The following FER variants were observed in gnomAD, a reference collection of about 807,000 sequenced individuals.
FER encodes the protein tyrosine-protein kinase Fer.
Under a neutral mutation model 111.0 loss-of-function variants are expected in FER, and 63 were observed. The ratio of observed to expected loss-of-function variants is 0.57; its 90% CI spans 0.46 to 0.70. The LOEUF (loss-of-function observed/expected upper bound fraction) is 0.70. FER is among the 30% of genes least tolerant of loss of function. The probability of loss-of-function intolerance (pLI) is 0.00; values close to 1 mark genes in which losing one functional copy is unlikely to be tolerated. For synonymous variants in FER, 327 were observed against 313.9 expected (o/e 1.04, Z -0.44); for missense variants, 914 against 954.0 (o/e 0.96, Z 0.55).
chr5:109,016,706 A>C (rs991407949), intron 13 of FER, among the ~76,000 whole-genome samples: 4 of 152,114 alleles, frequency 2.6e-5, no homozygotes, highest in Non-Finnish European at 5.9e-5. Flanking sequence ...GTCAATGTTT[A>C]GAATCTATTC....
intron 3 of FER, among the ~76,000 whole-genome samples, chr5:108,809,486 T>TTTGTA (rs1322786706): frequency 5.9e-5 from 9 of 152,360 alleles, no homozygotes; most frequent in African/African-American, 2.2e-4. Flanking sequence ...TTGAAGTTTC[T>TTTGTA]TTGTATTGAA....
At chr5:109,075,237 A>G (rs1013866847) in intron 16 of FER, among the ~76,000 whole-genome samples, 1 of 152,176 alleles carries the variant, frequency 6.6e-6, no homozygotes, top group African/African-American at 2.4e-5. Flanking sequence ...TAATGTAAAA[A>G]AATGTAGTTA....
At chr5:108,974,717 G>A (rs898071966) in intron 13 of FER, among the ~76,000 whole-genome samples, 8 of 152,226 alleles carry the variant, frequency 5.3e-5, no homozygotes, top group African/African-American at 1.7e-4. Flanking sequence ...GAAGGTAGAA[G>A]TCGTAGTCAG....
At chr5:109,088,968 T>C (rs1777859756) in intron 16 of FER, among the ~76,000 whole-genome samples, 1 of 152,150 alleles carries the variant, frequency 6.6e-6, no homozygotes, top group African/African-American at 2.4e-5. Context: ...CTCACAAAGT[T>C]AAGAGAGATT....
chr5:109,165,595 TGTGTGTGTG>T (rs1353773947), intron 17 of FER, among the ~76,000 whole-genome samples: 7 of 45,804 alleles, frequency 1.5e-4, no homozygotes, highest in Non-Finnish European at 2.0e-4. Context: ...AGGGAACTGG[TGTGTGTGTG>T]TGTGTGTGTG....
chr5:109,156,176 T>C (rs1233425992), intron 17 of FER, among the ~76,000 whole-genome samples: 1 of 151,978 alleles, frequency 6.6e-6, no homozygotes, highest in Non-Finnish European at 1.5e-5. Context: ...TAAAGCAAGC[T>C]AATACCAGAG....
intron 7 of FER, 38 bp from the exon 8 acceptor site, chr5:108,872,055 A>G: frequency 1.3e-6 from 2 of 1,597,414 alleles, no homozygotes; most frequent in Non-Finnish European, 8.5e-7. Flanking sequence ...ATGATACTGT[A>G]TTTACAATGA....
chr5:108,753,046 C>T (rs756922279), intron 1 of FER, among the ~76,000 whole-genome samples: 1 of 152,040 alleles, frequency 6.6e-6, no homozygotes, highest in Non-Finnish European at 1.5e-5. Context: ...ATAATTTTCT[C>T]ATCTATTCAA....
intron 13 of FER, among the ~76,000 whole-genome samples, chr5:108,975,174 T>C (rs562759492): frequency 3.5e-4 from 54 of 152,222 alleles, no homozygotes; most frequent in African/African-American, 1.1e-3. Flanking sequence ...ACACTGCATG[T>C]TCTCACTCAT....
intron 16 of FER, among the ~76,000 whole-genome samples, chr5:109,087,034 T>C (rs1368650279): frequency 6.7e-6 from 1 of 149,580 alleles, no homozygotes; most frequent in Non-Finnish European, 1.5e-5. Flanking sequence ...TTTACCTGAA[T>C]TCTCTCTTTA....
intron 17 of FER, among the ~76,000 whole-genome samples, chr5:109,174,580 A>T (rs1204184763): frequency 6.6e-6 from 1 of 152,112 alleles, no homozygotes; most frequent in Non-Finnish European, 1.5e-5. Context: ...AGGCAATCCT[A>T]CTGTCCTTCA....
intron 13 of FER, 74 bp from the exon 14 acceptor site, chr5:109,037,348 C>T (rs1561808921): frequency 6.3e-6 from 8 of 1,279,084 alleles, no homozygotes; most frequent in Non-Finnish European, 2.3e-6. Flanking sequence ...GGTCGACTTT[C>T]CACTGGCTCA....
chr5:108,758,133 C>G (rs975807205), intron 1 of FER, among the ~76,000 whole-genome samples: 1 of 152,148 alleles, frequency 6.6e-6, no homozygotes, highest in African/African-American at 2.4e-5. Context: ...AGGAATGGGA[C>G]AGAAAGCAGG....
At chr5:108,842,726 A>C (rs1761393500) in intron 5 of FER, 2 of 152,144 alleles carry the variant, frequency 1.3e-5, no homozygotes, top group Admixed American at 1.3e-4. Context: ...TGGCCATAAT[A>C]CAAAAACAAA....
At chr5:108,971,917 T>TG (rs2149699608) in intron 13 of FER, among the ~76,000 whole-genome samples, 1 of 152,280 alleles carries the variant, frequency 6.6e-6, no homozygotes, top group East Asian at 1.9e-4. Flanking sequence ...ACATGCTGAG[T>TG]GAAAACAAAC....
At chr5:109,094,970 CTGT>C (rs1747310587) in intron 16 of FER, among the ~76,000 whole-genome samples, 1 of 152,106 alleles carries the variant, frequency 6.6e-6, no homozygotes, top group Non-Finnish European at 1.5e-5. Context: ...AAGAGTATAG[CTGT>C]TGTTTCTTGA....
In FER at chr5:108,973,513, T is replaced by A. The variant is rs554335266; in HGVS notation, c.1656+14166T>A. ...TTTTTGTTTTTTTTTGTTATTTATG[T>A]AACAATTTGTATATATTAAAACTAC... On this transcript the variant is annotated intron_variant, in intron 13 of 19. Coordinates refer to ENST00000281092, the MANE Select transcript of FER (RefSeq NM_005246.4). Among the ~76,000 whole-genome samples, 15 of 152,270 alleles carry A rather than the reference T, an allele frequency of 9.9e-5. No homozygotes were observed. The East Asian group carries it at 2.9e-3, about 29-fold the overall frequency.
chr5:109,037,280 G>C, intron 13 of FER, 142 bp from the exon 14 acceptor site: 2 of 617,382 alleles, frequency 3.2e-6, no homozygotes, highest in Non-Finnish European at 5.7e-6. Flanking sequence ...ACAGCATCTT[G>C]GGGTTATAAC....
intron 13 of FER, among the ~76,000 whole-genome samples, chr5:109,013,193 AG>A (rs1381730578): frequency 6.6e-6 from 1 of 150,494 alleles, no homozygotes. Flanking sequence ...CTCATCATTT[AG>A]CATTAGGTAT....
Sources: gnomAD v4.1 joint callset for allele counts (sites outside exome capture counted in the v4.1 genomes callset) on GRCh38, gnomAD v4.1.1 for gene constraint, MANE v1.5 for transcripts, NCBI Gene and HGNC (gene_info 2026-07-23, HGNC 2026-07-21) for gene names.